Variants in RBBP6 observed in about 807,000 individuals in gnomAD.
RBBP6 encodes the protein RB binding protein 6, ubiquitin ligase.
In RBBP6, 25 loss-of-function variants were observed where a neutral mutation model predicts 167.7. The ratio of observed to expected loss-of-function variants is 0.15; its 90% CI spans 0.11 to 0.21. RBBP6 has a LOEUF of 0.21. Among genes scored for constraint, RBBP6 ranks in the 10% least tolerant of loss-of-function variants. The pLI, the probability that RBBP6 is intolerant of heterozygous loss-of-function variation, is 1.00. For synonymous variants in RBBP6, 789 were observed against 735.8 expected (o/e 1.07, Z -1.17); for missense variants, 1,868 against 2,134.2 (o/e 0.88, Z 2.46).
chr16:24,569,867 T>G lies in RBBP6; in HGVS notation c.3177T>G (p.Ile1059Met), dbSNP rs897603583. 1.2e-6 allele frequency: 2 copies of G among 1,610,030 alleles called. No individual in the cohort carries two copies. The highest frequency in any genetic ancestry group is 1.7e-6 in the Non-Finnish European group (2 of 1,179,134). ...GATCTCCTCGATCTGAACCTCCAAT[T>G]AAAAAAGCCAAAGAGGAGACTCCGA... The part of the protein sequence containing the change: ...RERSPRSEPP[I>M]KKAKEETPKT... The change falls in exon 17 of 18, where the codon ATT (isoleucine) becomes ATG (methionine). Residue 1059 changes from isoleucine (I) to methionine (M), a missense_variant. Around this residue, in one of 7 missense-constraint regions of RBBP6, gnomAD observed 673 missense variants for 691.5 expected, o/e 0.97. Coordinates refer to ENST00000319715, the MANE Select transcript of RBBP6 (RefSeq NM_006910.5).
Position 24,571,615 on chromosome 16 carries a change from G to A in RBBP6, c.4549G>A (p.Glu1517Lys), listed in dbSNP as rs1337391441. The change falls in exon 18 of 18, where the codon GAA becomes AAA. Residue 1517 changes from glutamate (E) to lysine (K), a missense_variant. Transcript: ENST00000319715. ...SASGQKNKPR[E>K]ERDLPKKGTG... is the part of the protein sequence containing the mutation. Reference sequence around the variant, plus strand: ...ATCTGGACAGAAAAATAAACCAAGGGAAGAGAGAGATTTGCCTAAAAAAGG... The same window carrying A: ...ATCTGGACAGAAAAATAAACCAAGGAAAGAGAGAGATTTGCCTAAAAAAGG... 5.6e-6 allele frequency: 9 copies of A among 1,611,384 alleles called. No homozygotes were observed. Among genetic ancestry groups the A allele is most frequent in the Non-Finnish European group, 7.6e-6 (9 of 1,179,428 alleles).
At chr16:24,557,737 A>G (rs1025091043) in intron 7 of RBBP6, among the ~76,000 whole-genome samples, 1 of 152,126 alleles carries the variant, frequency 6.6e-6, no homozygotes, top group Non-Finnish European at 1.5e-5. Context: ...CAGTGAAAAA[A>G]TACATACATA....
chr16:24,563,326 T>C, intron 11 of RBBP6, 31 bp downstream of exon 11: 1 of 1,517,772 alleles, frequency 6.6e-7, no homozygotes, highest in South Asian at 1.2e-5. Flanking sequence ...AATTTGGGAT[T>C]TTTTTTACAG....
intron 17 of RBBP6, 87 bp downstream of exon 17, chr16:24,570,586 T>G (rs1899302749): frequency 1.5e-5 from 18 of 1,198,968 alleles, no homozygotes; most frequent in Non-Finnish European, 2.0e-5. Context: ...TTTATATTAA[T>G]TATGAATGCT....
chr16:24,563,094 A>G (rs1899105624), intron 10 of RBBP6, 105 bp from the exon 11 acceptor site: 1 of 784,452 alleles, frequency 1.3e-6, no homozygotes, highest in Admixed American at 2.6e-5. Flanking sequence ...TCTTTGACTT[A>G]ACTCATCTTA....
At chr16:24,561,787 T>A (rs1195119516) in intron 9 of RBBP6, 37 bp from the exon 10 acceptor site, 2 of 1,604,342 alleles carry the variant, frequency 1.2e-6, no homozygotes, top group Non-Finnish European at 1.7e-6. Context: ...GAATACTGCA[T>A]AACATTTTTC....
chr16:24,548,541 G>A (rs958262580), intron 2 of RBBP6, among the ~76,000 whole-genome samples: 2 of 152,088 alleles, frequency 1.3e-5, no homozygotes, highest in African/African-American at 4.8e-5. Flanking sequence ...AATTACAAAT[G>A]TTAACAACAG....
In RBBP6 at chr16:24,548,515, A is replaced by G. The variant is rs535661274; in HGVS notation, c.267-430A>G. Among the ~76,000 whole-genome samples the G allele has an allele frequency of 3.9e-5, 6 of 152,242 alleles. No homozygotes were observed. In the East Asian group the frequency reaches 5.8e-4, roughly 15 times the overall value. ...GAAAATTAGTTTTGGGAGCACAGCA[A>G]TTTCTCAGGGATTCAAATTACAAAT... On this transcript the variant is annotated intron_variant, in intron 2 of 17. Coordinates refer to ENST00000319715, the MANE Select transcript of RBBP6 (RefSeq NM_006910.5).
At chr16:24,548,317 GTT>G (rs67923848) in intron 2 of RBBP6, among the ~76,000 whole-genome samples, 1 of 143,652 alleles carries the variant, frequency 7.0e-6, no homozygotes, top group Admixed American at 6.9e-5. Flanking sequence ...TTTTTGTTCA[GTT>G]TTTTTTTTTT....
chr16:24,541,277 C>T (rs1002191612), intron 1 of RBBP6, among the ~76,000 whole-genome samples: 2 of 151,716 alleles, frequency 1.3e-5, no homozygotes, highest in African/African-American at 2.4e-5. Context: ...CTTCCTCCCT[C>T]CTCGCATTTA....
At chr16:24,547,196 A>G (rs559648447) in intron 2 of RBBP6, among the ~76,000 whole-genome samples, 5 of 152,350 alleles carry the variant, frequency 3.3e-5, no homozygotes, top group East Asian at 3.9e-4. Flanking sequence ...CTTGAAATTA[A>G]GGTAAAAATA....
intron 4 of RBBP6, chr16:24,555,235 C>T (rs1434050035): frequency 6.3e-6 from 1 of 159,620 alleles, no homozygotes; most frequent in Non-Finnish European, 1.4e-5. Context: ...TACCCCCATC[C>T]CTACCTCCAC....
chr16:24,565,861 G>T (rs1899183029), intron 14 of RBBP6, among the ~76,000 whole-genome samples: 1 of 152,064 alleles, frequency 6.6e-6, no homozygotes, highest in Non-Finnish European at 1.5e-5. Flanking sequence ...GAGGCCTGAA[G>T]TTCAAGATTA....
intron 3 of RBBP6, among the ~76,000 whole-genome samples, chr16:24,551,195 A>G (rs7204806): frequency 0.014 from 2,060 of 151,936 alleles, 52 homozygotes; most frequent in African/African-American, 0.048. Flanking sequence ...AAGATTTTAG[A>G]TCCTTGCTTC....
Position 24,559,476 on chromosome 16 carries a change from TG to T in RBBP6, c.675-27del, listed in dbSNP as rs1567275630. The T allele has an allele frequency of 2.6e-6, 4 of 1,552,872 alleles. 1 individual carries two copies. ...CATGAGTACTCTGCCTTCTTAACAATGGTAAAACATGAAAACTTTCTTTTAC... is the reference window on the plus strand; with the variant it reads ...CATGAGTACTCTGCCTTCTTAACAATGTAAAACATGAAAACTTTCTTTTAC... On this transcript the variant is annotated intron_variant, in intron 7 of 17. Transcript: ENST00000319715.
chr16:24,561,867 T>A lies in RBBP6; in HGVS notation c.995T>A (p.Leu332Gln), dbSNP rs778387376. 6.2e-7 allele frequency: 1 copy of A among 1,613,432 alleles called. No individual in the cohort carries two copies. The highest frequency in any genetic ancestry group is 1.1e-5 in the South Asian group (1 of 91,028). Residue 332 changes from leucine (L) to glutamine (Q), a missense_variant, in exon 10 of 18, where the codon CTA (leucine) becomes CAA (glutamine). This residue lies in a region of RBBP6 where 245 missense variants were observed against 240.1 expected (regional missense o/e 1.02). Transcript: ENST00000319715. ...AATGAAACTGGCTATACAAAAAGAC[T>A]ACGAAAACAGTTACCTCCTCCACCA... is the stretch of plus-strand genomic sequence containing the variant. Reference protein sequence around the residue: ...FKNETGYTKRLRKQLPPPPPP... With the variant: ...FKNETGYTKRQRKQLPPPPPP...
At chr16:24,567,696 A>C in intron 15 of RBBP6, 96 bp from the exon 16 acceptor site, 2 of 1,272,698 alleles carry the variant, frequency 1.6e-6, no homozygotes, top group Non-Finnish European at 2.2e-6. Flanking sequence ...ACTAATGGCA[A>C]TTTCATTCAT....
chr16:24,569,416 A>G lies in RBBP6; in HGVS notation c.2726A>G (p.Asn909Ser), dbSNP rs377057515. Residue 909 changes from asparagine (N) to serine (S), a missense_variant, in exon 17 of 18, where the codon AAT becomes AGT. This residue lies in a region of RBBP6 where 673 missense variants were observed against 691.5 expected (regional missense o/e 0.97). Coordinates refer to ENST00000319715, the MANE Select transcript of RBBP6 (RefSeq NM_006910.5). The part of the protein sequence containing the change: ...PEKLSARDGH[N>S]QKDNTKSKEK... ...AAGCTTTCAGCAAGAGATGGTCACA[A>G]TCAGAAGGATAATACAAAGTCAAAA... The G allele has an allele frequency of 3.7e-6, 6 of 1,614,036 alleles. No individual in the cohort carries two copies. Among genetic ancestry groups the G allele is most frequent in the Admixed American group, 3.3e-5 (2 of 60,002 alleles).
intron 1 of RBBP6, 57 bp downstream of exon 1, chr16:24,540,849 G>A (rs1490144385): frequency 6.4e-7 from 1 of 1,560,480 alleles, no homozygotes; most frequent in Non-Finnish European, 8.7e-7. Flanking sequence ...CTAGCTAGAA[G>A]GTGCCTGGCA....
Sources: gnomAD v4.1 joint callset for allele counts (sites outside exome capture counted in the v4.1 genomes callset) on GRCh38, gnomAD v4.1.1 for gene constraint, gnomAD v4.1.1 regional missense constraint, MANE v1.5 for transcripts, NCBI Gene and HGNC (gene_info 2026-07-23, HGNC 2026-07-21) for gene names.